TPRG1L: variants seen among roughly 807,000 people sequenced by gnomAD.
The protein encoded by TPRG1L is tumor protein p63-regulated gene 1-like protein.
TPRG1L carries 25 observed loss-of-function variants against 29.4 expected under a neutral mutation model. That is an observed-to-expected ratio of 0.85 (90% CI 0.62 to 1.19). TPRG1L has a LOEUF of 1.19. Ranked by LOEUF, TPRG1L falls within the 50% of genes most tolerant of loss-of-function variation. The pLI, the probability that TPRG1L is intolerant of heterozygous loss-of-function variation, is 0.00. For missense variants in TPRG1L, 354 were observed against 364.4 expected, an observed-to-expected ratio of 0.97 and a Z score of 0.23; for synonymous variants, 182 against 151.1, an observed-to-expected ratio of 1.20 and a Z score of -1.50.
At chr1:3,626,004 G>C in intron 3 of TPRG1L, 115 bp downstream of exon 3, 1 of 1,030,638 alleles carries the variant, frequency 9.7e-7, no homozygotes, top group Non-Finnish European at 1.4e-6. Context: ...TTAATTATAA[G>C]CACAAAGGCT....
rs1408693318 is a variant in TPRG1L, at chr1:3,627,669, C to T, written c.624+16C>T. On this transcript the variant is annotated intron_variant, in intron 4 of 4. Transcript: ENST00000378344. ...TCTGTGTCAGGTAAGAAGACAGGCA[C>T]ATAAATAGCCGCGCCCCCCGCAGTG... 6.3e-7 allele frequency: 1 copy of T among 1,595,220 alleles called. No individual in the cohort carries two copies. The highest frequency in any genetic ancestry group is 8.5e-7 in the Non-Finnish European group (1 of 1,174,802).
At chr1:3,626,952 A>T (rs960754375) in intron 3 of TPRG1L, among the ~76,000 whole-genome samples, 3 of 152,162 alleles carry the variant, frequency 2.0e-5, no homozygotes, top group African/African-American at 7.2e-5. Context: ...AAATATACCT[A>T]ATTTGTCATA....
In TPRG1L at chr1:3,625,492, C is replaced by A. The variant is rs138491149; in HGVS notation, c.270C>A (p.Ile90=). 1 of 1,606,740 alleles carries A rather than the reference C, an allele frequency of 6.2e-7. No individual in the cohort carries two copies. The highest frequency in any genetic ancestry group is 8.5e-7 in the Non-Finnish European group (1 of 1,177,742). Residue 90 remains isoleucine, a synonymous_variant, in exon 2 of 5, where the codon ATC becomes ATA. Transcript: ENST00000378344. ...TGCGGCCCGTGGAGGACGGCGAGAT[C>A]CAGGGAGTGTGGCTGCTTACCGAGT... ...VVVRPVEDGE[I]QGVWLLTEVD... is the part of the protein sequence containing the mutation.
intron 1 of TPRG1L, 67 bp downstream of exon 1, chr1:3,625,340 G>A: frequency 1.3e-6 from 2 of 1,530,524 alleles, no homozygotes; most frequent in Non-Finnish European, 1.8e-6. Flanking sequence ...GGGTGGGGTC[G>A]GAGGCGGGCG....
At chr1:3,626,802 C>T (rs1184724608) in intron 3 of TPRG1L, among the ~76,000 whole-genome samples, 1 of 152,014 alleles carries the variant, frequency 6.6e-6, no homozygotes, top group African/African-American at 2.4e-5. Context: ...TGTTCTCAAA[C>T]TCCTGGGCTC....
chr1:3,625,422 A>G lies in TPRG1L; in HGVS notation c.202-2A>G. 1 of 1,574,488 alleles carries G rather than the reference A, an allele frequency of 6.4e-7. No individual in the cohort carries two copies. The highest frequency in any genetic ancestry group is 8.7e-7 in the Non-Finnish European group (1 of 1,155,808). Reference sequence around the variant, plus strand: ...CCGTCCCCCACCCCGCAACCCGCCCAGCCCGGCAGCATCGAGCAGGCAGTG... The same window carrying G: ...CCGTCCCCCACCCCGCAACCCGCCCGGCCCGGCAGCATCGAGCAGGCAGTG... On this transcript the variant is annotated splice_acceptor_variant, in intron 1 of 4. Transcript: ENST00000378344. LOFTEE classifies it high-confidence loss of function.
chr1:3,628,026 G>A (rs1274676568), intron 4 of TPRG1L, among the ~76,000 whole-genome samples: 1 of 152,252 alleles, frequency 6.6e-6, no homozygotes, highest in Non-Finnish European at 1.5e-5. Context: ...CCTCGGGGCT[G>A]GGGTTAGAGC....
At position 3,628,519 on chromosome 1, in the gene TPRG1L, C is replaced by A. The variant is rs769486665; in HGVS notation, c.735C>A (p.Ile245=). 4.3e-6 allele frequency: 7 copies of A among 1,613,998 alleles called. No homozygotes were observed. The highest frequency in any genetic ancestry group is 5.9e-6 in the Non-Finnish European group (7 of 1,179,990). The change falls in exon 5 of 5, where the codon ATC becomes ATA. Residue 245 remains isoleucine, a synonymous_variant. Coordinates refer to ENST00000378344, the MANE Select transcript of TPRG1L (RefSeq NM_182752.4). ...TGATCCTGGAGCGCCCCCTGCTCATCGAGACCTACGTGGGACTCATGTCCT... is the reference window on the plus strand; with the variant it reads ...TGATCCTGGAGCGCCCCCTGCTCATAGAGACCTACGTGGGACTCATGTCCT... ...GVLILERPLL[I]ETYVGLMSFI...
At chr1:3,628,211 C>T (rs1644502409) in intron 4 of TPRG1L, among the ~76,000 whole-genome samples, 198 bp from the exon 5 acceptor site, 1 of 152,228 alleles carries the variant, frequency 6.6e-6, no homozygotes, top group African/African-American at 2.4e-5. Flanking sequence ...GCAAGATTTC[C>T]ACACACCTAG....
In TPRG1L at chr1:3,627,654, G is replaced by T. The variant is rs1340971440; in HGVS notation, c.624+1G>T. On this transcript the variant is annotated splice_donor_variant, in intron 4 of 4. Transcript: ENST00000378344. LOFTEE classifies it high-confidence loss of function. ...TGAGAAGACAGCATCTCTGTGTCAG[G>T]TAAGAAGACAGGCACATAAATAGCC... 6.2e-7 allele frequency: 1 copy of T among 1,609,532 alleles called. No individual in the cohort carries two copies. The highest frequency in any genetic ancestry group is 2.2e-5 in the East Asian group (1 of 44,728).
chr1:3,626,507 A>C (rs1409052942), intron 3 of TPRG1L, among the ~76,000 whole-genome samples: 1 of 152,182 alleles, frequency 6.6e-6, no homozygotes, highest in Admixed American at 6.5e-5. Flanking sequence ...TTTTGGTTAA[A>C]ACATTTAATA....
In TPRG1L at chr1:3,627,644, T is replaced by C; in HGVS notation, c.615T>C (p.Ser205=). The C allele has an allele frequency of 6.2e-7, 1 of 1,613,372 alleles. No individual in the cohort carries two copies. The highest frequency in any genetic ancestry group is 1.1e-5 in the South Asian group (1 of 91,050). ...CTGGCGCAGATGAGAAGACAGCATC[T>C]CTGTGTCAGGTAAGAAGACAGGCAC... ...PMAGADEKTA[S]LCQLESFKAL... is the part of the protein sequence containing the mutation. Residue 205 remains serine, a synonymous_variant, in exon 4 of 5, where the codon TCT becomes TCC. Transcript: ENST00000378344.
chr1:3,628,954 C>T lies in TPRG1L; in HGVS notation c.*351C>T, dbSNP rs902650931. The T allele has an allele frequency of 3.5e-5, 7 of 200,624 alleles. No individual in the cohort carries two copies. In the South Asian group the frequency reaches 5.4e-4, roughly 15 times the overall value. 12.4% of individuals were successfully genotyped at this position (200,624 alleles called of 1,614,324 possible). On this transcript the variant is annotated 3_prime_UTR_variant, in exon 5 of 5. Coordinates refer to ENST00000378344, the MANE Select transcript of TPRG1L (RefSeq NM_182752.4). ...GTGGTTTTTCCCACCCCAGCTGCCC[C>T]AGCACGCGGGACCCATAGCACACCC... is the stretch of plus-strand genomic sequence containing the variant.
chr1:3,625,614 C>A, intron 2 of TPRG1L, 99 bp downstream of exon 2: 1 of 1,553,064 alleles, frequency 6.4e-7, no homozygotes, highest in Non-Finnish European at 8.7e-7. Context: ...CACGCTCAGG[C>A]GCCCCGTGCC....
In TPRG1L at chr1:3,628,758, C is replaced by T; in HGVS notation, c.*155C>T. ...GGGGATCTTTCACCTTTAGGGATCT[C>T]AGCACAATTAGAATCGTAAAGTGAA... On this transcript the variant is annotated 3_prime_UTR_variant, in exon 5 of 5. Coordinates refer to ENST00000378344, the MANE Select transcript of TPRG1L (RefSeq NM_182752.4). The T allele has an allele frequency of 3.1e-6, 2 of 654,822 alleles. No individual in the cohort carries two copies. 40.6% of individuals were successfully genotyped at this position (654,822 alleles called of 1,614,324 possible). A position where few individuals can be genotyped will look rare whatever the true frequency, so the allele number is the denominator to read the frequency against.
At position 3,625,023 on chromosome 1, in the gene TPRG1L, C is replaced by T. The variant is rs1274648298; in HGVS notation, c.-50C>T. The T allele has an allele frequency of 2.5e-6, 3 of 1,179,772 alleles. No individual in the cohort carries two copies. The highest frequency in any genetic ancestry group is 1.6e-5 in the African/African-American group (1 of 61,584). 73.1% of individuals were successfully genotyped at this position (1,179,772 alleles called of 1,614,324 possible). The stretch of plus-strand genomic sequence containing the variant: ...GGCCGGGTGGTGGCGGTGGCTGCGG[C>T]GACGGCGGTCGCGTCGGCGTCAGGG... On this transcript the variant is annotated 5_prime_UTR_variant, in exon 1 of 5. Transcript: ENST00000378344.
chr1:3,625,015 G>C lies in TPRG1L; in HGVS notation c.-58G>C. On this transcript the variant is annotated 5_prime_UTR_variant, in exon 1 of 5. Transcript: ENST00000378344. ...GGGGGCGCGGCCGGGTGGTGGCGGT[G>C]GCTGCGGCGACGGCGGTCGCGTCGG... is the stretch of plus-strand genomic sequence containing the variant. The C allele has an allele frequency of 8.5e-7, 1 of 1,175,212 alleles. No homozygotes were observed. Among genetic ancestry groups the C allele is most frequent in the Non-Finnish European group, 1.1e-6 (1 of 943,480 alleles). The allele number at this position is 1,175,212 out of a possible 1,614,324, so 72.8% of individuals were successfully genotyped here.
chr1:3,628,638 AGCTCCTCC>A lies in TPRG1L; in HGVS notation c.*36_*43del. 6.7e-7 allele frequency: 1 copy of A among 1,500,592 alleles called. No homozygotes were observed. The highest frequency in any genetic ancestry group is 9.0e-7 in the Non-Finnish European group (1 of 1,110,284). The allele number at this position is 1,500,592 out of a possible 1,614,324, so 93.0% of individuals were successfully genotyped here. A position where few individuals can be genotyped will look rare whatever the true frequency, so the allele number is the denominator to read the frequency against. On this transcript the variant is annotated 3_prime_UTR_variant, in exon 5 of 5. Coordinates refer to ENST00000378344, the MANE Select transcript of TPRG1L (RefSeq NM_182752.4). ...TCTGGGAGCTCCTCCCCCTTCTGGG[AGCTCCTCC>A]CCCTCCCCAGAAGGCCAAGGGATGT... is the stretch of plus-strand genomic sequence containing the variant.
chr1:3,626,207 ACT>A (rs1234791616), intron 3 of TPRG1L, among the ~76,000 whole-genome samples: 1 of 152,224 alleles, frequency 6.6e-6, no homozygotes, highest in East Asian at 1.9e-4. Flanking sequence ...AAAAGTCCAA[ACT>A]CTGCATTTTT....
Sources: allele counts gnomAD v4.1 joint callset (sites outside exome capture counted in the v4.1 genomes callset), GRCh38; gene constraint gnomAD v4.1.1; transcripts MANE v1.5; gene names NCBI Gene and HGNC (gene_info 2026-07-23, HGNC 2026-07-21).